Variants in C1orf87 observed in about 807,000 individuals in gnomAD.
C1orf87 encodes uncharacterized protein C1orf87.
In C1orf87, 58 loss-of-function variants were observed where a neutral mutation model predicts 60.5. That is an observed-to-expected ratio of 0.96 (90% CI 0.78 to 1.19). The LOEUF is 1.19. Ranked by LOEUF, C1orf87 falls within the 50% of genes most tolerant of loss-of-function variation. The pLI is 0.00. For missense variants in C1orf87, 673 were observed against 638.6 expected (o/e 1.05, Z -0.58); for synonymous variants, 236 against 227.4 (o/e 1.04, Z -0.34).
intron 3 of C1orf87, among the ~76,000 whole-genome samples, chr1:60,046,119 TCCTTA>T (rs1645366162): frequency 1.3e-5 from 2 of 151,536 alleles, no homozygotes; most frequent in Admixed American, 1.3e-4. Context: ...TTTCCTCTTT[TCCTTA>T]CATCTTTTAA....
Position 60,001,224 on chromosome 1 carries a change from C to T in C1orf87, c.1193-68G>A. 2.8e-6 allele frequency: 3 copies of T among 1,088,984 alleles called. No individual in the cohort carries two copies. The East Asian group carries it at 8.4e-5, about 30-fold the overall frequency. The allele number at this position is 1,088,984 out of a possible 1,614,324, so 67.5% of individuals were successfully genotyped here. A position where few individuals can be genotyped will look rare whatever the true frequency, so the allele number is the denominator to read the frequency against. On this transcript the variant is annotated intron_variant, in intron 9 of 11. Coordinates refer to ENST00000371201, the MANE Select transcript of C1orf87 (RefSeq NM_152377.3). ...TCTCTTCATTTAACACACACATATA[C>T]ACAAGGCAACAACAACAGCAACAAC...
At chr1:59,998,935 T>A (rs1644982146) in intron 10 of C1orf87, among the ~76,000 whole-genome samples, 1 of 152,176 alleles carries the variant, frequency 6.6e-6, no homozygotes, top group African/African-American at 2.4e-5. Flanking sequence ...ATTCTTCCAA[T>A]AAATTAAGCT....
chr1:60,010,588 C>T, intron 8 of C1orf87, 132 bp from the exon 9 acceptor site: 2 of 743,710 alleles, frequency 2.7e-6, no homozygotes, highest in African/African-American at 1.8e-5. Flanking sequence ...AGGTCCAATG[C>T]AGGAAACAGA....
intron 2 of C1orf87, among the ~76,000 whole-genome samples, chr1:60,065,028 T>TAATATATATAAAATATATATTA (rs1645534579): frequency 1.5e-4 from 3 of 19,790 alleles, no homozygotes; most frequent in Non-Finnish European, 3.0e-4. Context: ...TATATATATT[T>TAATATATATAAAATATATATTA]AATATATATA....
rs1040249138 is a variant in C1orf87, at chr1:60,018,208, G to A, written c.1127+7193C>T. On this transcript the variant is annotated intron_variant, in intron 8 of 11. Coordinates refer to ENST00000371201, the MANE Select transcript of C1orf87 (RefSeq NM_152377.3). ...CATCTTTAATCTCTTAAGGATATAG[G>A]TTTGCATACAAAGCCCTTAACAAAA... 5.3e-5 allele frequency among the ~76,000 whole-genome samples: 8 copies of A among 152,192 alleles called. No homozygotes were observed. The East Asian group carries it at 1.5e-3, about 29-fold the overall frequency.
chr1:59,997,564 G>C (rs373262395), intron 11 of C1orf87, 45 bp downstream of exon 11: 10 of 1,590,732 alleles, frequency 6.3e-6, no homozygotes, highest in Non-Finnish European at 8.6e-6. Flanking sequence ...TTTTAGACTA[G>C]ACCACAAATA....
intron 11 of C1orf87, among the ~76,000 whole-genome samples, chr1:59,993,744 A>C (rs1239955769): frequency 6.6e-6 from 1 of 151,562 alleles, no homozygotes; most frequent in Non-Finnish European, 1.5e-5. Flanking sequence ...AAATAAAAAA[A>C]TAATAAGAAT....
At chr1:59,996,577 T>C (rs2100235239) in intron 11 of C1orf87, among the ~76,000 whole-genome samples, 1 of 152,344 alleles carries the variant, frequency 6.6e-6, no homozygotes, top group African/African-American at 2.4e-5. Flanking sequence ...TTTAATATTC[T>C]TTTTAATAGC....
chr1:60,003,302 C>T (rs1478060939), intron 9 of C1orf87, among the ~76,000 whole-genome samples: 1 of 123,242 alleles, frequency 8.1e-6, no homozygotes, highest in Non-Finnish European at 1.6e-5. Flanking sequence ...AGGGGAATAT[C>T]ACACTCTGGG....
Position 59,997,632 on chromosome 1 carries a change from T to G in C1orf87, c.1457A>C (p.Tyr486Ser). ...DRFRKLENAL[Y>S]LCDLSNTGVL... ...ACCTGTGTTACTCAGATCACACAGGTAGAGGGCATTTTCCAGCTTCCTGAA... is the reference window on the plus strand; with the variant it reads ...ACCTGTGTTACTCAGATCACACAGGGAGAGGGCATTTTCCAGCTTCCTGAA... Residue 486 changes from tyrosine to serine, a missense_variant, in exon 11 of 12, where the codon TAC (tyrosine) becomes TCC (serine). Coordinates refer to ENST00000371201, the MANE Select transcript of C1orf87 (RefSeq NM_152377.3). 6.2e-7 allele frequency: 1 copy of G among 1,613,886 alleles called. No homozygotes were observed. The highest frequency in any genetic ancestry group is 8.5e-7 in the Non-Finnish European group (1 of 1,179,826).
chr1:60,044,982 C>A (rs1645355463), intron 3 of C1orf87, among the ~76,000 whole-genome samples: 1 of 152,162 alleles, frequency 6.6e-6, no homozygotes, highest in African/African-American at 2.4e-5. Context: ...GGTGTTGGAA[C>A]TTGCAAGAGT....
At chr1:59,994,594 G>C (rs1644950173) in intron 11 of C1orf87, among the ~76,000 whole-genome samples, 1 of 152,052 alleles carries the variant, frequency 6.6e-6, no homozygotes, top group Non-Finnish European at 1.5e-5. Context: ...AATTCCAAAT[G>C]CAACATTCAC....
intron 9 of C1orf87, among the ~76,000 whole-genome samples, chr1:60,008,389 T>C (rs1645060564): frequency 6.6e-6 from 1 of 152,038 alleles, no homozygotes; most frequent in Non-Finnish European, 1.5e-5. Flanking sequence ...TTTACATATT[T>C]TTCTGCTATT....
chr1:60,010,537 G>T, intron 8 of C1orf87, 81 bp from the exon 9 acceptor site: 1 of 1,221,726 alleles, frequency 8.2e-7, no homozygotes, highest in Non-Finnish European at 1.2e-6. Context: ...GTTTATATTG[G>T]TAGTGATATT....
intron 3 of C1orf87, among the ~76,000 whole-genome samples, chr1:60,048,035 C>T (rs1258984565): frequency 2.0e-5 from 3 of 152,018 alleles, no homozygotes; most frequent in South Asian, 2.1e-4. Flanking sequence ...GTTTCATGGC[C>T]TTATGTAGTC....
chr1:59,998,991 T>G (rs776029072), intron 10 of C1orf87, among the ~76,000 whole-genome samples: 6 of 152,282 alleles, frequency 3.9e-5, no homozygotes, highest in Admixed American at 2.0e-4. Context: ...TCCTAATTAA[T>G]TCACCATAAA....
chr1:59,995,115 C>G lies in C1orf87; in HGVS notation c.1480+2494G>C, dbSNP rs12403852. On this transcript the variant is annotated intron_variant, in intron 11 of 11. Transcript: ENST00000371201. ...ATCTGCCTCCAAAGTCAACAAACTCCGTTTCTCCTCAGAACGGTTCAGAAG... is the reference window on the plus strand; with the variant it reads ...ATCTGCCTCCAAAGTCAACAAACTCGGTTTCTCCTCAGAACGGTTCAGAAG... Among the ~76,000 whole-genome samples the G allele has an allele frequency of 4.6e-5, 7 of 152,336 alleles. No homozygotes were observed. The East Asian group carries it at 1.4e-3, about 29-fold the overall frequency.
intron 2 of C1orf87, 38 bp from the exon 3 acceptor site, chr1:60,055,476 CA>C (rs1557478078): frequency 6.4e-7 from 1 of 1,559,204 alleles, no homozygotes; most frequent in Admixed American, 1.7e-5. Context: ...TACTTACAGG[CA>C]GACTCCTCAT....
intron 2 of C1orf87, among the ~76,000 whole-genome samples, chr1:60,064,905 A>T (rs113435936): frequency 1.1e-5 from 1 of 91,668 alleles, no homozygotes; most frequent in South Asian, 3.1e-4. Flanking sequence ...TATTCTAAAT[A>T]TATAATATTT....
Sources: gnomAD v4.1 joint callset for allele counts (sites outside exome capture counted in the v4.1 genomes callset) on GRCh38, gnomAD v4.1.1 for gene constraint, MANE v1.5 for transcripts, NCBI Gene and HGNC (gene_info 2026-07-23, HGNC 2026-07-21) for gene names.